The following TPTE variants were observed in gnomAD, a reference collection of about 807,000 sequenced individuals.
The protein encoded by TPTE is transmembrane phosphatase with tensin homology.
Under a neutral mutation model 84.1 loss-of-function variants are expected in TPTE, and 59 were observed. That is an observed-to-expected ratio of 0.70 (90% confidence interval 0.57 to 0.87). The LOEUF (loss-of-function observed/expected upper bound fraction) is 0.87, where lower values mean the gene tolerates loss of function less well. TPTE is among the 40% of genes least tolerant of loss of function. TPTE has a pLI of 0.00. For synonymous variants in TPTE, 130 were observed against 223.5 expected (o/e 0.58, Z 3.73); for missense variants, 382 against 659.6 (o/e 0.58, Z 4.61).
At chr21:10,540,927 T>A (rs1230736292) in intron 4 of TPTE, among the ~76,000 whole-genome samples, 185 bp from the exon 5 acceptor site, 22 of 152,302 alleles carry the variant, frequency 1.4e-4, no homozygotes, top group Admixed American at 1.4e-3. Flanking sequence ...AAATGCTCAC[T>A]GTTGGCATAT....
At chr21:10,523,571 A>C (rs548913946) in intron 1 of TPTE, among the ~76,000 whole-genome samples, 1 of 152,278 alleles carries the variant, frequency 6.6e-6, no homozygotes, top group Admixed American at 6.5e-5. Context: ...TGTTCTTGCG[A>C]TAGTTTACTG....
At chr21:10,545,544 T>C (rs1225283420) in intron 7 of TPTE, among the ~76,000 whole-genome samples, 1 of 152,306 alleles carries the variant, frequency 6.6e-6, no homozygotes, top group African/African-American at 2.4e-5. Flanking sequence ...TTCACTAATT[T>C]GATATATATT....
chr21:10,554,985 CCA>C (rs1160705880), intron 8 of TPTE, among the ~76,000 whole-genome samples: 1 of 152,296 alleles, frequency 6.6e-6, no homozygotes, highest in Non-Finnish European at 1.5e-5. Context: ...CTCCCTACCC[CCA>C]GAGTCTGCAC....
chr21:10,581,330 G>C (rs567325669), intron 17 of TPTE, among the ~76,000 whole-genome samples: 15 of 152,406 alleles, frequency 9.8e-5, no homozygotes, highest in African/African-American at 3.6e-4. Flanking sequence ...AAAGAAGTTA[G>C]CATCAGTTTT....
chr21:10,556,763 G>A (rs978865626), intron 8 of TPTE, among the ~76,000 whole-genome samples: 2 of 152,308 alleles, frequency 1.3e-5, no homozygotes, highest in Non-Finnish European at 2.9e-5. Flanking sequence ...ATGTCATTGT[G>A]GTTTTGATTT....
At chr21:10,547,072 A>G (rs1196500326) in intron 7 of TPTE, among the ~76,000 whole-genome samples, 1 of 152,312 alleles carries the variant, frequency 6.6e-6, no homozygotes, top group Non-Finnish European at 1.5e-5. Context: ...TTCAAAGCAC[A>G]GGCCAATTCT....
At position 10,577,520 on chromosome 21, in the gene TPTE, A is replaced by T. The variant is rs756392301; in HGVS notation, c.856A>T (p.Ser286Cys). ...CCACTATCGAGTCTACAATCTATGCAGTATGTACATTACTCTATATTGTGC... is the reference window on the plus strand; with the variant it reads ...CCACTATCGAGTCTACAATCTATGCTGTATGTACATTACTCTATATTGTGC... ...RNHYRVYNLCSERAYDPKHFH... is the reference protein window; with the variant it reads ...RNHYRVYNLCCERAYDPKHFH... The change falls in exon 15 of 24, where the codon AGT becomes TGT. Residue 286 changes from serine to cysteine, a missense_variant and splice_region_variant. By Grantham distance (112) the Ser-to-Cys change is moderately radical (BLOSUM62 -1). Coordinates refer to ENST00000618007, the MANE Select transcript of TPTE (RefSeq NM_199261.4). The T allele has an allele frequency of 6.2e-7, 1 of 1,614,032 alleles. No homozygotes were observed. The highest frequency in any genetic ancestry group is 8.5e-7 in the Non-Finnish European group (1 of 1,179,862).
At chr21:10,558,249 A>C (rs2074721725) in intron 8 of TPTE, among the ~76,000 whole-genome samples, 1 of 152,310 alleles carries the variant, frequency 6.6e-6, no homozygotes, top group African/African-American at 2.4e-5. Context: ...AGAATGATTT[A>C]TATTCCTCTG....
chr21:10,560,030 G>T (rs552614860), intron 9 of TPTE, among the ~76,000 whole-genome samples: 1 of 152,288 alleles, frequency 6.6e-6, no homozygotes, highest in Non-Finnish European at 1.5e-5. Flanking sequence ...GTAGCCATGT[G>T]CCCCATCTAA....
intron 7 of TPTE, among the ~76,000 whole-genome samples, chr21:10,549,002 A>T (rs534940222): frequency 5.2e-5 from 8 of 152,428 alleles, no homozygotes; most frequent in African/African-American, 1.9e-4. Flanking sequence ...CTATGCCTGC[A>T]CACACCCTTA....
intron 7 of TPTE, among the ~76,000 whole-genome samples, chr21:10,545,677 G>T (rs1310976741): frequency 6.6e-6 from 1 of 152,206 alleles, no homozygotes. Flanking sequence ...ATATGTGTGT[G>T]TGTGTATATA....
At chr21:10,591,956 A>T (rs1250133317) in intron 18 of TPTE, among the ~76,000 whole-genome samples, 67 of 151,982 alleles carry the variant, frequency 4.4e-4, no homozygotes, top group African/African-American at 1.6e-3. Context: ...TGAGGTCAAG[A>T]GTTTGAGAGC....
intron 14 of TPTE, among the ~76,000 whole-genome samples, chr21:10,573,059 T>TTA (rs1555814200): frequency 3.4e-5 from 5 of 146,800 alleles, no homozygotes; most frequent in Non-Finnish European, 7.6e-5. Flanking sequence ...TGCCAAGATT[T>TTA]AAAAAAAAAA....
intron 20 of TPTE, among the ~76,000 whole-genome samples, chr21:10,596,481 G>T (rs1352940323): frequency 6.6e-6 from 1 of 152,308 alleles, no homozygotes; most frequent in East Asian, 1.9e-4. Flanking sequence ...TGCCTTGGTG[G>T]AGGTGTCTCC....
chr21:10,582,968 A>C (rs2075296935), intron 17 of TPTE, among the ~76,000 whole-genome samples: 1 of 152,312 alleles, frequency 6.6e-6, no homozygotes, highest in Admixed American at 6.5e-5. Context: ...CCTGACCTCA[A>C]GTGATGTGCC....
chr21:10,521,758 G>T (rs949269609), intron 1 of TPTE, 64 bp downstream of exon 1: 698 of 152,740 alleles, frequency 4.6e-3, no homozygotes, highest in Admixed American at 7.6e-3. Flanking sequence ...TTTTGTTGGG[G>T]GGGGGTCTTG....
intron 20 of TPTE, 125 bp from the exon 21 acceptor site, chr21:10,597,890 G>A (rs2075618452): frequency 1.5e-6 from 2 of 1,303,476 alleles, no homozygotes; most frequent in Non-Finnish European, 2.1e-6. Context: ...GACCAAATAA[G>A]TGACTATTGA....
At chr21:10,544,742 C>T (rs572079411) in intron 7 of TPTE, among the ~76,000 whole-genome samples, 1 of 152,422 alleles carries the variant, frequency 6.6e-6, no homozygotes, top group South Asian at 2.1e-4. Flanking sequence ...GAAAGACATC[C>T]ATGATTGGTG....
chr21:10,592,564 C>G (rs1364316558), intron 19 of TPTE, among the ~76,000 whole-genome samples, 191 bp downstream of exon 19: 1 of 152,308 alleles, frequency 6.6e-6, no homozygotes, highest in Non-Finnish European at 1.5e-5. Context: ...GCTGGGGACT[C>G]TGGTTTCTCT....
Sources: allele counts gnomAD v4.1 joint callset (sites outside exome capture counted in the v4.1 genomes callset), GRCh38; gene constraint gnomAD v4.1.1; transcripts MANE v1.5; gene names NCBI Gene and HGNC (gene_info 2026-07-23, HGNC 2026-07-21).